The following LDLRAD3 variants were observed in gnomAD, a reference collection of about 807,000 sequenced individuals.
LDLRAD3 encodes low-density lipoprotein receptor class A domain-containing protein 3.
In LDLRAD3, 20 loss-of-function variants were observed where a neutral mutation model predicts 29.4. The observed-to-expected ratio is 0.68, with a 90% CI of 0.48 to 0.99. The LOEUF (loss-of-function observed/expected upper bound fraction) is 0.99, where lower values mean the gene tolerates loss of function less well. Among genes scored for constraint, LDLRAD3 ranks in the 50% least tolerant of loss-of-function variants. The pLI is 0.00. For missense variants in LDLRAD3, 420 were observed against 454.3 expected, an observed-to-expected ratio of 0.92 and a Z score of 0.69; for synonymous variants, 157 against 192.7, an observed-to-expected ratio of 0.81 and a Z score of 1.53.
At chr11:36,179,689 G>C (rs1315803846) in intron 4 of LDLRAD3, among the ~76,000 whole-genome samples, 1 of 151,868 alleles carries the variant, frequency 6.6e-6, no homozygotes, top group East Asian at 2.0e-4. Flanking sequence ...CCACTGCAGG[G>C]AGTGAATAAA....
At chr11:36,193,129 G>A (rs906818037) in intron 4 of LDLRAD3, among the ~76,000 whole-genome samples, 3 of 152,120 alleles carry the variant, frequency 2.0e-5, no homozygotes, top group Admixed American at 1.3e-4. Flanking sequence ...GAATCTCTCC[G>A]AGCCCCAGTT....
chr11:36,122,137 T>G (rs1396830321), intron 4 of LDLRAD3, among the ~76,000 whole-genome samples: 1 of 152,010 alleles, frequency 6.6e-6, no homozygotes, highest in Non-Finnish European at 1.5e-5. Context: ...ACAGACACAA[T>G]CCATGCACCT....
At chr11:36,125,362 C>T (rs1255995473) in intron 4 of LDLRAD3, among the ~76,000 whole-genome samples, 1 of 152,128 alleles carries the variant, frequency 6.6e-6, no homozygotes. Context: ...TCTTTCTGTC[C>T]TCGTTTTCTC....
At chr11:36,134,314 T>A (rs1853973320) in intron 4 of LDLRAD3, among the ~76,000 whole-genome samples, 1 of 152,218 alleles carries the variant, frequency 6.6e-6, no homozygotes, top group Admixed American at 6.5e-5. Context: ...ATGCAGTGTC[T>A]GTTGTCATTA....
chr11:36,145,557 A>G (rs923239479), intron 4 of LDLRAD3, among the ~76,000 whole-genome samples: 1 of 144,930 alleles, frequency 6.9e-6, no homozygotes, highest in African/African-American at 2.5e-5. Flanking sequence ...GTTTTGTGGA[A>G]TAGAAAGGGG....
intron 3 of LDLRAD3, among the ~76,000 whole-genome samples, chr11:36,088,338 A>T (rs145392291): frequency 0.033 from 5,024 of 152,134 alleles, 131 homozygotes; most frequent in Non-Finnish European, 0.054. Flanking sequence ...TTCAGTAAGG[A>T]TGAGGACTCC....
intron 1 of LDLRAD3, among the ~76,000 whole-genome samples, chr11:36,028,640 T>C (rs763904051): frequency 2.0e-5 from 3 of 152,192 alleles, no homozygotes; most frequent in African/African-American, 7.2e-5. Flanking sequence ...TTAAGTGAAA[T>C]GTTAATTACC....
chr11:35,984,934 CTT>C (rs1285306835), intron 1 of LDLRAD3, among the ~76,000 whole-genome samples: 8,680 of 127,884 alleles, frequency 0.068, 910 homozygotes, highest in African/African-American at 0.23. Context: ...CCTGCCTGTT[CTT>C]TTTTTTTTTT....
chr11:35,986,598 T>C (rs749778462), intron 1 of LDLRAD3, among the ~76,000 whole-genome samples: 7 of 152,232 alleles, frequency 4.6e-5, no homozygotes, highest in Non-Finnish European at 8.8e-5. Flanking sequence ...GCGAGGGCTC[T>C]ACCTGTCTTG....
chr11:36,227,416 C>A lies in LDLRAD3; in HGVS notation c.786C>A (p.Ala262=). 1 of 1,578,518 alleles carries A rather than the reference C, an allele frequency of 6.3e-7. No individual in the cohort carries two copies. The change falls in exon 5 of 6, where the codon GCC becomes GCA. Residue 262 remains alanine, a synonymous_variant. Transcript: ENST00000315571. ...GCTCCCCACCCTCCTACTCCGAGGCCTTGCTGGACCAGAGGTGTGTGCTGG... is the reference window on the plus strand; with the variant it reads ...GCTCCCCACCCTCCTACTCCGAGGCATTGCTGGACCAGAGGTGTGTGCTGG... The part of the protein sequence containing the change: ...EVGSPPSYSE[A]LLDQRPAWYD...
At position 36,159,602 on chromosome 11, in the gene LDLRAD3, T is replaced by TA. The variant is rs66512652; in HGVS notation, c.454+61165dup. ...AGTAAAACACCGTCTTTACAGAAAC[T>TA]AAAAAAAAAAAAAAAAAAAAAAAAG... On this transcript the variant is annotated intron_variant, in intron 4 of 5. Transcript: ENST00000315571. 7.9e-3 allele frequency among the ~76,000 whole-genome samples: 460 copies of TA among 58,468 alleles called. 14 individuals are homozygous for TA. The highest frequency in any genetic ancestry group is 0.032 in the Middle Eastern group (2 of 62). 38.4% of individuals were successfully genotyped at this position (58,468 alleles called of 152,430 possible).
At chr11:36,093,921 T>C (rs1402782684) in intron 3 of LDLRAD3, among the ~76,000 whole-genome samples, 1 of 58,750 alleles carries the variant, frequency 1.7e-5, no homozygotes, top group East Asian at 5.0e-4. Context: ...AGGTTAAAGT[T>C]GAAGACACCA....
chr11:36,071,451 C>G (rs1437883851), intron 2 of LDLRAD3, among the ~76,000 whole-genome samples: 2 of 152,038 alleles, frequency 1.3e-5, no homozygotes, highest in African/African-American at 4.8e-5. Context: ...ATGTATCTGG[C>G]TGTGCATTGT....
chr11:36,025,161 A>G (rs1170585504), intron 1 of LDLRAD3, among the ~76,000 whole-genome samples: 1 of 151,950 alleles, frequency 6.6e-6, no homozygotes, highest in African/African-American at 2.4e-5. Context: ...ATTCCTTTGT[A>G]GTTGGTGGGG....
chr11:36,220,869 G>A (rs193007345), intron 4 of LDLRAD3, among the ~76,000 whole-genome samples: 1 of 151,948 alleles, frequency 6.6e-6, no homozygotes, highest in Non-Finnish European at 1.5e-5. Flanking sequence ...ATTTTTAAAG[G>A]GCAAATTTTA....
At chr11:36,036,365 G>T in intron 2 of LDLRAD3, 116 bp downstream of exon 2, 1 of 1,208,678 alleles carries the variant, frequency 8.3e-7, no homozygotes, top group East Asian at 2.4e-5. Flanking sequence ...TGGTGGTTTT[G>T]TGCCTCTTGC....
intron 2 of LDLRAD3, among the ~76,000 whole-genome samples, chr11:36,069,131 G>T (rs1852850061): frequency 6.6e-6 from 1 of 152,176 alleles, no homozygotes; most frequent in South Asian, 2.1e-4. Context: ...CTGAACTGTT[G>T]CAACAAGCAA....
At chr11:36,060,290 C>A (rs1436823740) in intron 2 of LDLRAD3, among the ~76,000 whole-genome samples, 1 of 147,624 alleles carries the variant, frequency 6.8e-6, no homozygotes, top group Non-Finnish European at 1.5e-5. Context: ...GGAGGCGGAG[C>A]TTGCAGTGAG....
At chr11:35,975,154 T>A (rs79095760) in intron 1 of LDLRAD3, among the ~76,000 whole-genome samples, 2,381 of 152,350 alleles carry the variant, frequency 0.016, 25 homozygotes, top group Middle Eastern at 0.037. Context: ...GTCTCCAGGC[T>A]GTGATAACCT....
Sources: gnomAD v4.1 joint callset for allele counts (sites outside exome capture counted in the v4.1 genomes callset) on GRCh38, gnomAD v4.1.1 for gene constraint, MANE v1.5 for transcripts, NCBI Gene and HGNC (gene_info 2026-07-23, HGNC 2026-07-21) for gene names.